NELL1: variants seen among roughly 807,000 people sequenced by gnomAD.
NELL1 encodes neural EGFL like 1, also known as protein kinase C-binding protein NELL1.
A neutral mutation model predicts 107.4 loss-of-function variants in NELL1; 76 were observed. That is an observed-to-expected ratio of 0.71 (90% CI 0.59 to 0.86). The LOEUF (loss-of-function observed/expected upper bound fraction) is 0.86, where lower values mean the gene tolerates loss of function less well. NELL1 is among the 40% of genes least tolerant of loss of function. The pLI, the probability that NELL1 is intolerant of heterozygous loss-of-function variation, is 0.00. For synonymous variants in NELL1, 353 were observed against 341.2 expected, an observed-to-expected ratio of 1.03 and a Z score of -0.38; for missense variants, 1,024 against 1,005.5, an observed-to-expected ratio of 1.02 and a Z score of -0.25.
chr11:21,506,273 G>T (rs573049971), intron 15 of NELL1, among the ~76,000 whole-genome samples: 2 of 152,038 alleles, frequency 1.3e-5, no homozygotes, highest in Admixed American at 6.6e-5. Flanking sequence ...ATACAGACCC[G>T]CAGAGTCACA....
chr11:20,688,235 T>G (rs560098957), intron 2 of NELL1, among the ~76,000 whole-genome samples: 1 of 152,236 alleles, frequency 6.6e-6, no homozygotes, highest in South Asian at 2.1e-4. Flanking sequence ...AAAAATAATT[T>G]CAACTTTTAT....
At chr11:21,100,618 G>A (rs1854781331) in intron 12 of NELL1, among the ~76,000 whole-genome samples, 1 of 152,162 alleles carries the variant, frequency 6.6e-6, no homozygotes, top group African/African-American at 2.4e-5. Context: ...CCAAGGAACT[G>A]AAAGCAGACA....
intron 12 of NELL1, among the ~76,000 whole-genome samples, chr11:20,999,917 C>T (rs549670349): frequency 6.6e-6 from 1 of 151,996 alleles, no homozygotes; most frequent in East Asian, 1.9e-4. Context: ...TAAAGGACAT[C>T]GATACTCCAG....
intron 12 of NELL1, among the ~76,000 whole-genome samples, chr11:21,085,124 G>A (rs886280068): frequency 2.6e-5 from 4 of 152,024 alleles, no homozygotes; most frequent in African/African-American, 7.2e-5. Context: ...TACATGTTTA[G>A]CTATTCATCT....
intron 11 of NELL1, among the ~76,000 whole-genome samples, chr11:20,957,087 G>A (rs16907140): frequency 0.11 from 17,467 of 152,122 alleles, 1,584 homozygotes; most frequent in East Asian, 0.46. Context: ...GTGCAATTTC[G>A]AGTCTCTGGT....
chr11:20,783,939 G>A, intron 3 of NELL1, 109 bp downstream of exon 3: 1 of 1,040,806 alleles, frequency 9.6e-7, no homozygotes, highest in Non-Finnish European at 1.3e-6. Context: ...TCTAACTGAG[G>A]CCTCATTTCT....
chr11:21,292,734 A>G (rs1463293138), intron 14 of NELL1, among the ~76,000 whole-genome samples: 1 of 152,186 alleles, frequency 6.6e-6, no homozygotes, highest in African/African-American at 2.4e-5. Flanking sequence ...AAACAGATAT[A>G]TAGACCAATG....
At chr11:20,778,348 A>G (rs575879125) in intron 2 of NELL1, among the ~76,000 whole-genome samples, 1 of 152,250 alleles carries the variant, frequency 6.6e-6, no homozygotes, top group African/African-American at 2.4e-5. Context: ...GAAGCAAGGT[A>G]TATGCTTGTT....
chr11:20,830,487 C>T (rs1857986209), intron 3 of NELL1, among the ~76,000 whole-genome samples: 1 of 151,816 alleles, frequency 6.6e-6, no homozygotes, highest in African/African-American at 2.4e-5. Context: ...CAGGTGTGTG[C>T]CAACACTCCT....
chr11:20,915,717 A>ATATATATATATATT, intron 5 of NELL1, among the ~76,000 whole-genome samples: 6 of 58,218 alleles, frequency 1.0e-4, no homozygotes, highest in African/African-American at 5.3e-4. Flanking sequence ...ATATATATAT[A>ATATATATATATATT]TTTTTTTTTT....
intron 12 of NELL1, among the ~76,000 whole-genome samples, chr11:20,979,685 C>G (rs548150524): frequency 7.7e-4 from 117 of 152,162 alleles, no homozygotes; most frequent in African/African-American, 2.7e-3. Flanking sequence ...TTCTTGAATC[C>G]TCTTTCTGCT....
intron 12 of NELL1, among the ~76,000 whole-genome samples, chr11:21,080,189 TAAATA>T (rs1019985013): frequency 6.6e-6 from 1 of 152,072 alleles, no homozygotes; most frequent in Admixed American, 6.6e-5. Flanking sequence ...TCATTTCAAT[TAAATA>T]TAATGGCTTT....
intron 2 of NELL1, among the ~76,000 whole-genome samples, chr11:20,704,602 A>G (rs1384739429): frequency 6.6e-6 from 1 of 152,100 alleles, no homozygotes; most frequent in Non-Finnish European, 1.5e-5. Context: ...CCTAGCCTTG[A>G]TGGTCTTTAG....
chr11:21,106,339 A>G (rs941420592), intron 12 of NELL1, among the ~76,000 whole-genome samples: 1 of 152,092 alleles, frequency 6.6e-6, no homozygotes, highest in Non-Finnish European at 1.5e-5. Context: ...TGATTCTAAT[A>G]TGCACCTCAT....
chr11:20,734,978 A>G lies in NELL1; in HGVS notation c.185-48702A>G, dbSNP rs189231274. On this transcript the variant is annotated intron_variant, in intron 2 of 19. Coordinates refer to ENST00000357134, the MANE Select transcript of NELL1 (RefSeq NM_006157.5). Reference sequence around the variant, plus strand: ...TAAGTTTTAATAATTCCTCCAACCAATTCTGGTGGTAACTGAAATTAAGTA... The same window carrying G: ...TAAGTTTTAATAATTCCTCCAACCAGTTCTGGTGGTAACTGAAATTAAGTA... Among the ~76,000 whole-genome samples, 73 of 152,228 alleles carry G rather than the reference A, an allele frequency of 4.8e-4. No individual in the cohort carries two copies. The East Asian group carries it at 0.011, about 24-fold the overall frequency.
At chr11:21,278,444 T>C (rs1410098621) in intron 14 of NELL1, among the ~76,000 whole-genome samples, 1 of 152,172 alleles carries the variant, frequency 6.6e-6, no homozygotes, top group Admixed American at 6.6e-5. Flanking sequence ...TATAGCATAG[T>C]GGCAGAATAT....
In NELL1 at chr11:21,561,811, G is replaced by A. The variant is rs975452279; in HGVS notation, c.1980+1429G>A. ...GACTGGTGAGACATTCCTTCAAGGG[G>A]TTTTGAAGTTATTAAGTATAATATT... On this transcript the variant is annotated intron_variant, in intron 17 of 19. Transcript: ENST00000357134. 8.5e-5 allele frequency among the ~76,000 whole-genome samples: 13 copies of A among 152,112 alleles called. No individual in the cohort carries two copies. In the South Asian group the frequency reaches 2.5e-3, roughly 29 times the overall value.
intron 16 of NELL1, among the ~76,000 whole-genome samples, chr11:21,553,044 T>C (rs1344730879): frequency 3.3e-5 from 5 of 151,902 alleles, no homozygotes; most frequent in Non-Finnish European, 2.9e-5. Context: ...AATTGCTGTA[T>C]TGACAATGTT....
chr11:20,746,889 G>A (rs1019542889), intron 2 of NELL1, among the ~76,000 whole-genome samples: 2 of 152,060 alleles, frequency 1.3e-5, no homozygotes, highest in Non-Finnish European at 2.9e-5. Context: ...AAAGACTTTT[G>A]TGCCATTCCC....
Sources: allele counts gnomAD v4.1 joint callset (sites outside exome capture counted in the v4.1 genomes callset), GRCh38; gene constraint gnomAD v4.1.1; transcripts MANE v1.5; gene names NCBI Gene and HGNC (gene_info 2026-07-23, HGNC 2026-07-21).